NOL10: variants seen among roughly 807,000 people sequenced by gnomAD.
NOL10 encodes the protein nucleolar protein 10.
Under a neutral mutation model 103.5 loss-of-function variants are expected in NOL10, and 58 were observed. The ratio of observed to expected loss-of-function variants is 0.56; its 90% CI spans 0.45 to 0.70. The LOEUF (loss-of-function observed/expected upper bound fraction) is 0.70, where lower values mean the gene tolerates loss of function less well. NOL10 is among the 30% of genes least tolerant of loss of function. The probability of loss-of-function intolerance (pLI) is 0.00; values close to 1 mark genes in which losing one functional copy is unlikely to be tolerated. For synonymous variants in NOL10, 287 were observed against 282.5 expected, an observed-to-expected ratio of 1.02 and a Z score of -0.16; for missense variants, 763 against 807.3, an observed-to-expected ratio of 0.95 and a Z score of 0.67.
chr2:10,663,008 T>C lies in NOL10; in HGVS notation c.628A>G (p.Arg210Gly), dbSNP rs1216908370. The C allele has an allele frequency of 6.2e-7, 1 of 1,613,994 alleles. No homozygotes were observed. The highest frequency in any genetic ancestry group is 1.3e-5 in the African/African-American group (1 of 75,058). The change falls in exon 9 of 21, where the codon AGA (arginine) becomes GGA (glycine). Residue 210 changes from arginine to glycine, a missense_variant. Transcript: ENST00000381685. ...AAGGCGCAGTCTAACAGGCCAACTC[T>C]GTTTCGAGTTCTTGGGTCCCAGCAC... ...VECWDPRTRN[R>G]VGLLDCALNS... is the part of the protein sequence containing the mutation.
intron 13 of NOL10, among the ~76,000 whole-genome samples, chr2:10,616,189 A>G (rs951954550): frequency 6.6e-6 from 1 of 151,428 alleles, no homozygotes; most frequent in African/African-American, 2.4e-5. Flanking sequence ...GTCCACATGA[A>G]AACTACCAGT....
At chr2:10,635,504 A>G (rs1052207428) in intron 13 of NOL10, among the ~76,000 whole-genome samples, 2 of 152,236 alleles carry the variant, frequency 1.3e-5, no homozygotes, top group African/African-American at 2.4e-5. Flanking sequence ...TTACAAATCT[A>G]TATATAATAT....
Position 10,584,128 on chromosome 2 carries a change from C to T in NOL10, c.1844+4915G>A, listed in dbSNP as rs527625424. On this transcript the variant is annotated intron_variant, in intron 19 of 20. Coordinates refer to ENST00000381685, the MANE Select transcript of NOL10 (RefSeq NM_024894.4). ...CCAGGAATGCTATCTTTCCCACCAG[C>T]CCTGAATGCTCCACTCTGCATCTTT... Among the ~76,000 whole-genome samples the T allele has an allele frequency of 7.9e-5, 12 of 152,280 alleles. No individual in the cohort carries two copies. The East Asian group carries it at 1.9e-3, about 24-fold the overall frequency.
intron 14 of NOL10, 64 bp downstream of exon 14, chr2:10,607,121 A>G (rs1038927965): frequency 2.7e-5 from 33 of 1,212,096 alleles, no homozygotes; most frequent in Non-Finnish European, 3.7e-5. Flanking sequence ...TCTCATGTTC[A>G]AAACTCAAAA....
At chr2:10,587,144 T>C (rs1483879269) in intron 19 of NOL10, among the ~76,000 whole-genome samples, 1 of 41,590 alleles carries the variant, frequency 2.4e-5, no homozygotes, top group Non-Finnish European at 4.7e-5. Context: ...TATACACATA[T>C]ATATACATAT....
At position 10,589,242 on chromosome 2, in the gene NOL10, C is replaced by T. The variant is rs757585681; in HGVS notation, c.1645G>A (p.Glu549Lys). ...CAGGCTTTTTCATCATCTGAACTCT[C>T]CGAACTTTCTGCATCACTTGGTTTT... The part of the protein sequence containing the change: ...EGKPSDAESS[E>K]SSDDEKAWVE... The change falls in exon 19 of 21, where the codon GAG (glutamate) becomes AAG (lysine). Residue 549 changes from glutamate (E) to lysine (K), a missense_variant. By Grantham distance (56) the Glu-to-Lys change is moderately conservative (BLOSUM62 1). Coordinates refer to ENST00000381685, the MANE Select transcript of NOL10 (RefSeq NM_024894.4). 2 of 1,613,848 alleles carry T rather than the reference C, an allele frequency of 1.2e-6. No individual in the cohort carries two copies. Among genetic ancestry groups the T allele is most frequent in the South Asian group, 1.1e-5 (1 of 91,084 alleles).
chr2:10,579,126 G>C (rs940361048), intron 19 of NOL10, among the ~76,000 whole-genome samples: 4 of 152,200 alleles, frequency 2.6e-5, no homozygotes, highest in Non-Finnish European at 4.4e-5. Context: ...CTCACACCAT[G>C]TGAAATTTAT....
chr2:10,580,250 A>G (rs1476737879), intron 19 of NOL10, among the ~76,000 whole-genome samples: 1 of 152,214 alleles, frequency 6.6e-6, no homozygotes. Context: ...TTGAACAGAA[A>G]AACAAAAGGC....
intron 13 of NOL10, among the ~76,000 whole-genome samples, chr2:10,610,255 C>T (rs1198900998): frequency 6.6e-6 from 1 of 152,182 alleles, no homozygotes; most frequent in East Asian, 1.9e-4. Flanking sequence ...TGTGCACTGA[C>T]TTTCAAAGGT....
At chr2:10,595,284 A>G (rs1675614607) in intron 17 of NOL10, among the ~76,000 whole-genome samples, 1 of 152,146 alleles carries the variant, frequency 6.6e-6, no homozygotes, top group Non-Finnish European at 1.5e-5. Flanking sequence ...GGGATGGCCT[A>G]CATTCCTAAC....
chr2:10,583,565 A>C (rs1469849805), intron 19 of NOL10, among the ~76,000 whole-genome samples: 1 of 152,170 alleles, frequency 6.6e-6, no homozygotes, highest in Non-Finnish European at 1.5e-5. Context: ...TTTAGCCTTA[A>C]ACCTATTTTG....
chr2:10,667,167 C>T, intron 8 of NOL10, 51 bp downstream of exon 8: 1 of 1,362,716 alleles, frequency 7.3e-7, no homozygotes, highest in Non-Finnish European at 1.0e-6. Context: ...ATAAAAATTC[C>T]AATCAAATAT....
chr2:10,598,411 A>G (rs1472467649), intron 17 of NOL10, among the ~76,000 whole-genome samples: 1 of 152,238 alleles, frequency 6.6e-6, no homozygotes, highest in African/African-American at 2.4e-5. Flanking sequence ...AACAACAAAA[A>G]TGTGAATCAA....
In NOL10 at chr2:10,652,851, G is replaced by A. The variant is rs182828346; in HGVS notation, c.973+1630C>T. On this transcript the variant is annotated intron_variant, in intron 12 of 20. Transcript: ENST00000381685. ...ACACGCCCCCCAAGCACAAGTCTGC[G>A]GATCGGTTCAGGGCTTGCCGCCTAA... Among the ~76,000 whole-genome samples, 484 of 152,262 alleles carry A rather than the reference G, an allele frequency of 3.2e-3. 2 individuals carry two copies. The highest frequency in any genetic ancestry group is 5.3e-3 in the Non-Finnish European group (363 of 68,026).
At chr2:10,572,898 C>T (rs1674255085) in intron 20 of NOL10, among the ~76,000 whole-genome samples, 2 of 152,170 alleles carry the variant, frequency 1.3e-5, no homozygotes, top group Non-Finnish European at 2.9e-5. Flanking sequence ...CACATGGGAG[C>T]TGGAACTCCT....
At chr2:10,613,978 TAGA>T (rs1558290355) in intron 13 of NOL10, among the ~76,000 whole-genome samples, 3 of 150,600 alleles carry the variant, frequency 2.0e-5, no homozygotes, top group Non-Finnish European at 3.0e-5. Flanking sequence ...TTTTTTTTTT[TAGA>T]AGGAGTCTCA....
intron 17 of NOL10, among the ~76,000 whole-genome samples, chr2:10,598,132 T>C (rs1166157653): frequency 6.6e-6 from 1 of 152,204 alleles, no homozygotes; most frequent in African/African-American, 2.4e-5. Flanking sequence ...TCTCTGTTCA[T>C]CAACTGAGTA....
chr2:10,587,465 T>C (rs1014135247), intron 19 of NOL10, among the ~76,000 whole-genome samples: 1 of 150,440 alleles, frequency 6.6e-6, no homozygotes, highest in Non-Finnish European at 1.5e-5. Flanking sequence ...GAGACGGGGT[T>C]TCACCATGTT....
chr2:10,664,253 A>AC (rs1207664292), intron 8 of NOL10, among the ~76,000 whole-genome samples: 1 of 152,032 alleles, frequency 6.6e-6, no homozygotes, highest in Non-Finnish European at 1.5e-5. Context: ...CAATGGTGAA[A>AC]CCCCGTCTCT....
Sources: gnomAD v4.1 joint callset for allele counts (sites outside exome capture counted in the v4.1 genomes callset) on GRCh38, gnomAD v4.1.1 for gene constraint, MANE v1.5 for transcripts, NCBI Gene and HGNC (gene_info 2026-07-23, HGNC 2026-07-21) for gene names.